SGCZ: variants seen among roughly 807,000 people sequenced by gnomAD.
SGCZ encodes the protein zeta-sarcoglycan.
SGCZ carries 40 observed loss-of-function variants against 41.3 expected under a neutral mutation model. The ratio of observed to expected loss-of-function variants is 0.97; its 90% CI spans 0.75 to 1.26. SGCZ has a LOEUF of 1.26. Among genes scored for constraint, SGCZ ranks in the 50% most tolerant of loss-of-function variants. SGCZ has a pLI of 0.00. For missense variants in SGCZ, 552 were observed against 369.8 expected (o/e 1.49, Z -4.04); for synonymous variants, 206 against 137.5 (o/e 1.50, Z -3.49).
chr8:14,595,139 G>A (rs1156572721), intron 1 of SGCZ, among the ~76,000 whole-genome samples: 3 of 152,012 alleles, frequency 2.0e-5, no homozygotes, highest in African/African-American at 7.2e-5. Flanking sequence ...AATGAAACTG[G>A]AATTAGTTCT....
At chr8:14,900,389 A>T (rs761552797) in intron 1 of SGCZ, among the ~76,000 whole-genome samples, 2 of 152,136 alleles carry the variant, frequency 1.3e-5, no homozygotes, top group Non-Finnish European at 2.9e-5. Flanking sequence ...TGAGGCTGAA[A>T]GCTACCCCAC....
At chr8:14,876,679 T>G (rs1804368849) in intron 1 of SGCZ, among the ~76,000 whole-genome samples, 1 of 152,326 alleles carries the variant, frequency 6.6e-6, no homozygotes, top group Non-Finnish European at 1.5e-5. Flanking sequence ...CCAATAAAGT[T>G]ATTGACACAA....
intron 1 of SGCZ, among the ~76,000 whole-genome samples, chr8:14,579,081 T>C (rs1804804599): frequency 6.6e-6 from 1 of 152,130 alleles, no homozygotes; most frequent in African/African-American, 2.4e-5. Flanking sequence ...AAGTAAATGT[T>C]TAAATAATTA....
chr8:14,905,498 A>T (rs982779667), intron 1 of SGCZ, among the ~76,000 whole-genome samples: 10 of 152,218 alleles, frequency 6.6e-5, no homozygotes, highest in African/African-American at 2.4e-4. Flanking sequence ...TGGAGAGCCA[A>T]TGTGGACCGC....
chr8:14,328,548 T>G (rs77133170), intron 2 of SGCZ, among the ~76,000 whole-genome samples: 1 of 152,332 alleles, frequency 6.6e-6, no homozygotes, highest in African/African-American at 2.4e-5. Context: ...GCCTAATTTA[T>G]GTCAAACTAC....
intron 6 of SGCZ, among the ~76,000 whole-genome samples, chr8:14,105,569 C>T (rs950108236): frequency 2.0e-5 from 3 of 151,924 alleles, no homozygotes; most frequent in African/African-American, 4.8e-5. Flanking sequence ...TTTCATTATA[C>T]AAATAAATAA....
intron 2 of SGCZ, among the ~76,000 whole-genome samples, chr8:14,408,290 C>T (rs7840450): frequency 6.6e-6 from 1 of 151,994 alleles, no homozygotes; most frequent in African/African-American, 2.4e-5. Flanking sequence ...TTGTTTAATC[C>T]ATTTTATGAC....
intron 1 of SGCZ, among the ~76,000 whole-genome samples, chr8:14,907,238 A>C (rs1799144421): frequency 6.6e-6 from 1 of 152,174 alleles, no homozygotes; most frequent in Non-Finnish European, 1.5e-5. Flanking sequence ...TCTGTCACTC[A>C]GGATGAAGTA....
chr8:14,681,378 C>T lies in SGCZ; in HGVS notation c.40-126452G>A, dbSNP rs563678273. Among the ~76,000 whole-genome samples, 12 of 152,234 alleles carry T rather than the reference C, an allele frequency of 7.9e-5. No individual in the cohort carries two copies. The South Asian group carries it at 2.3e-3, about 29-fold the overall frequency. ...TGACAGCCTAGGCTTCTATACCCAA[C>T]AAAAACTATTTTACTAAAAAATAGA... On this transcript the variant is annotated intron_variant, in intron 1 of 7. Transcript: ENST00000382080.
chr8:14,971,752 T>C (rs370926345), intron 1 of SGCZ, among the ~76,000 whole-genome samples: 36 of 149,956 alleles, frequency 2.4e-4, no homozygotes, highest in African/African-American at 8.1e-4. Flanking sequence ...CGGGTTCAAG[T>C]GATTCTCCTG....
At chr8:14,783,732 T>C (rs2253339) in intron 1 of SGCZ, among the ~76,000 whole-genome samples, 75,360 of 151,872 alleles carry the variant, frequency 0.5, 20,973 homozygotes, top group Non-Finnish European at 0.61. Flanking sequence ...TTTTTCTATC[T>C]GGGATAATAA....
chr8:14,528,843 CA>C (rs1299131981), intron 2 of SGCZ, among the ~76,000 whole-genome samples: 6 of 140,154 alleles, frequency 4.3e-5, no homozygotes, highest in African/African-American at 1.1e-4. Context: ...AAAAACAAAA[CA>C]AAAACAAAAA....
intron 4 of SGCZ, among the ~76,000 whole-genome samples, chr8:14,189,750 A>G (rs556652200): frequency 8.9e-4 from 135 of 151,940 alleles, no homozygotes; most frequent in African/African-American, 3.2e-3. Context: ...TTCCACTTTA[A>G]CCTGCTTTGT....
At chr8:14,240,346 A>AT (rs1563205566) in intron 3 of SGCZ, among the ~76,000 whole-genome samples, 109 of 148,820 alleles carry the variant, frequency 7.3e-4, no homozygotes, top group African/African-American at 2.6e-3. Context: ...AAAAAAAAAA[A>AT]AAAAAAAAAG....
intron 2 of SGCZ, among the ~76,000 whole-genome samples, chr8:14,469,147 C>G (rs1801138493): frequency 6.6e-6 from 1 of 152,044 alleles, no homozygotes; most frequent in Admixed American, 6.6e-5. Context: ...CAATGGTGCC[C>G]TATCATTTCT....
intron 2 of SGCZ, among the ~76,000 whole-genome samples, chr8:14,358,636 G>A (rs548863176): frequency 1.4e-3 from 217 of 152,064 alleles, no homozygotes; most frequent in South Asian, 3.3e-3. Flanking sequence ...TTTTGAGATG[G>A]AGTCTTGCTC....
chr8:14,894,767 A>G (rs1805132359), intron 1 of SGCZ, among the ~76,000 whole-genome samples: 1 of 152,132 alleles, frequency 6.6e-6, no homozygotes, highest in African/African-American at 2.4e-5. Flanking sequence ...AAACTACAAA[A>G]AAAAGTGAAT....
At chr8:14,284,548 C>T (rs1049265737) in intron 3 of SGCZ, among the ~76,000 whole-genome samples, 2 of 152,136 alleles carry the variant, frequency 1.3e-5, no homozygotes, top group African/African-American at 2.4e-5. Flanking sequence ...ATGGGTTTCC[C>T]TTTATTCATA....
intron 1 of SGCZ, among the ~76,000 whole-genome samples, chr8:15,162,722 T>G (rs914951523): frequency 6.6e-6 from 1 of 152,252 alleles, no homozygotes; most frequent in African/African-American, 2.4e-5. Flanking sequence ...ACCATGTCTA[T>G]GTTTTTCTCT....
Sources: gnomAD v4.1 joint callset for allele counts (sites outside exome capture counted in the v4.1 genomes callset) on GRCh38, gnomAD v4.1.1 for gene constraint, MANE v1.5 for transcripts, NCBI Gene and HGNC (gene_info 2026-07-23, HGNC 2026-07-21) for gene names.